The following CASD1 variants were observed in gnomAD, a reference collection of about 807,000 sequenced individuals.
The protein encoded by CASD1 is CAS1 domain sialic acid O acetyltransferase 1.
In CASD1, 41 loss-of-function variants were observed where a neutral mutation model predicts 100.0. The observed-to-expected ratio is 0.41, with a 90% CI of 0.32 to 0.53. CASD1 has a LOEUF of 0.53. Among genes scored for constraint, CASD1 ranks in the 20% least tolerant of loss-of-function variants. CASD1 has a pLI of 0.25. For synonymous variants in CASD1, 321 were observed against 315.6 expected, an observed-to-expected ratio of 1.02 and a Z score of -0.18; for missense variants, 774 against 948.7, an observed-to-expected ratio of 0.82 and a Z score of 2.42.
the CASD1 span, among the ~76,000 whole-genome samples, chr7:94,633,844 C>G: frequency 2.0e-5 from 3 of 152,172 alleles, no homozygotes; most frequent in Non-Finnish European, 4.4e-5. Flanking sequence ...TCACAATTCT[C>G]ACAATGATTA....
the CASD1 span, chr7:94,585,266 T>C: frequency 2.2e-6 from 1 of 460,420 alleles, no homozygotes; most frequent in Non-Finnish European, 3.9e-6. Context: ...TCAACTTTTA[T>C]TGTAACAAAT....
intron 10 of CASD1, among the ~76,000 whole-genome samples, chr7:94,541,545 T>G (rs1451824636): frequency 1.5e-5 from 2 of 135,616 alleles, no homozygotes; most frequent in African/African-American, 5.4e-5. Flanking sequence ...TGGTTTTTTT[T>G]TTTTTTTTTT....
intron 1 of CASD1, among the ~76,000 whole-genome samples, chr7:94,510,705 C>T (rs1175608385): frequency 6.6e-6 from 1 of 152,242 alleles, no homozygotes; most frequent in Non-Finnish European, 1.5e-5. Context: ...TTTAATTTTG[C>T]CTCTGCCCTG....
chr7:94,580,914 A>G, the CASD1 span, among the ~76,000 whole-genome samples: 1 of 152,180 alleles, frequency 6.6e-6, no homozygotes, highest in African/African-American at 2.4e-5. Flanking sequence ...CATCATTGTC[A>G]AGAGCCCTCT....
In CASD1 at chr7:94,544,324, T is replaced by C; in HGVS notation, c.1357-87T>C. 3 of 1,478,026 alleles carry C rather than the reference T, an allele frequency of 2.0e-6. No homozygotes were observed. The South Asian group carries it at 3.7e-5, about 18-fold the overall frequency. The allele number at this position is 1,478,026 out of a possible 1,614,324, so 91.6% of individuals were successfully genotyped here. A position where few individuals can be genotyped will look rare whatever the true frequency, so the allele number is the denominator to read the frequency against. Reference sequence around the variant, plus strand: ...CTGATGCCAAATGCTAATAATCATTTATTATCTTTGTTAAATGTACTTGTT... The same window carrying C: ...CTGATGCCAAATGCTAATAATCATTCATTATCTTTGTTAAATGTACTTGTT... On this transcript the variant is annotated intron_variant, in intron 10 of 17. Transcript: ENST00000297273.
At chr7:94,554,938 A>G (rs1419429572) in intron 17 of CASD1, among the ~76,000 whole-genome samples, 3 of 152,086 alleles carry the variant, frequency 2.0e-5, no homozygotes, top group African/African-American at 2.4e-5. Context: ...GTTCATCTCC[A>G]TAATTAAATA....
intron 5 of CASD1, among the ~76,000 whole-genome samples, chr7:94,529,297 A>G (rs558775098): frequency 6.6e-6 from 1 of 152,292 alleles, no homozygotes; most frequent in Non-Finnish European, 1.5e-5. Context: ...ATACACTACA[A>G]TTTGTAAATC....
chr7:94,522,745 C>T (rs1584385273), intron 3 of CASD1, among the ~76,000 whole-genome samples: 2 of 151,966 alleles, frequency 1.3e-5, no homozygotes, highest in East Asian at 1.9e-4. Flanking sequence ...GCAAGCTCTA[C>T]CTCCCGGGTT....
chr7:94,609,522 ACT>A, the CASD1 span, among the ~76,000 whole-genome samples: 1 of 152,180 alleles, frequency 6.6e-6, no homozygotes, highest in East Asian at 1.9e-4. Flanking sequence ...ACACAGTAAG[ACT>A]CTGTCTAAAA....
chr7:94,612,216 T>C, the CASD1 span, among the ~76,000 whole-genome samples: 2 of 152,140 alleles, frequency 1.3e-5, no homozygotes, highest in Non-Finnish European at 2.9e-5. Flanking sequence ...CCTCTCAAGG[T>C]AACATAAATG....
At position 94,550,751 on chromosome 7, in the gene CASD1, T is replaced by G. The variant is rs529295920; in HGVS notation, c.1816-587T>G. Reference sequence around the variant, plus strand: ...CTAATGACCAACCAAAGGCTTTACCTCCAAAACTGTCACACTGGGGATTAA... The same window carrying G: ...CTAATGACCAACCAAAGGCTTTACCGCCAAAACTGTCACACTGGGGATTAA... On this transcript the variant is annotated intron_variant, in intron 14 of 17. Coordinates refer to ENST00000297273, the MANE Select transcript of CASD1 (RefSeq NM_022900.5). Among the ~76,000 whole-genome samples, 9 of 152,084 alleles carry G rather than the reference T, an allele frequency of 5.9e-5. No individual in the cohort carries two copies. The East Asian group carries it at 1.7e-3, about 29-fold the overall frequency.
At chr7:94,598,377 A>G in the CASD1 span, 1 of 195,808 alleles carries the variant, frequency 5.1e-6, no homozygotes, top group Admixed American at 5.5e-5. Context: ...TTAGATTACA[A>G]AGGTCTATGG....
intron 10 of CASD1, among the ~76,000 whole-genome samples, chr7:94,540,374 A>G (rs988089682): frequency 5.3e-5 from 8 of 152,220 alleles, no homozygotes; most frequent in Non-Finnish European, 7.3e-5. Context: ...TTTAAGCAGC[A>G]TTAAGAAGAT....
At chr7:94,526,498 A>G (rs1315011157) in intron 3 of CASD1, among the ~76,000 whole-genome samples, 1 of 152,216 alleles carries the variant, frequency 6.6e-6, no homozygotes, top group Non-Finnish European at 1.5e-5. Context: ...GATGAATAGT[A>G]ATACAAGTGC....
the CASD1 span, chr7:94,623,876 A>G: frequency 5.6e-6 from 2 of 357,480 alleles, no homozygotes; most frequent in Non-Finnish European, 1.0e-5. Flanking sequence ...AAATGTCATA[A>G]ATAACCCTTT....
chr7:94,595,886 C>T, the CASD1 span, among the ~76,000 whole-genome samples: 1 of 152,028 alleles, frequency 6.6e-6, no homozygotes, highest in Non-Finnish European at 1.5e-5. Context: ...AATATACACT[C>T]AACACTGAAA....
chr7:94,529,966 G>A (rs1295344339), intron 5 of CASD1, among the ~76,000 whole-genome samples: 1 of 152,126 alleles, frequency 6.6e-6, no homozygotes, highest in African/African-American at 2.4e-5. Context: ...AGGACTCTAA[G>A]TAGATTGTTA....
Position 94,537,664 on chromosome 7 carries a change from G to A in CASD1, c.1036G>A (p.Asp346Asn). The change falls in exon 9 of 18, where the codon GAT (aspartate) becomes AAT (asparagine). Residue 346 changes from aspartate to asparagine, a missense_variant. By Grantham distance (23) the Asp-to-Asn change is conservative. This residue lies in a region of CASD1 where 453 missense variants were observed against 532.6 expected (regional missense o/e 0.85). Coordinates refer to ENST00000297273, the MANE Select transcript of CASD1 (RefSeq NM_022900.5). ...TCATCGGAAGAATAAGCCGTGTACT[G>A]ATTTGGAAAGTGGAGAGGAAAAGAA... ...NAHRKNKPCT[D>N]LESGEEKKNI... The A allele has an allele frequency of 6.2e-7, 1 of 1,613,672 alleles. No homozygotes were observed. Among genetic ancestry groups the A allele is most frequent in the Non-Finnish European group, 8.5e-7 (1 of 1,179,768 alleles).
the CASD1 span, chr7:94,622,158 G>A: frequency 6.6e-6 from 1 of 152,304 alleles, no homozygotes; most frequent in Admixed American, 6.5e-5. Flanking sequence ...CTGATAAAAT[G>A]TTTGGTGTTT....
Sources: gnomAD v4.1 joint callset for allele counts (sites outside exome capture counted in the v4.1 genomes callset) on GRCh38, gnomAD v4.1.1 for gene constraint, gnomAD v4.1.1 regional missense constraint, MANE v1.5 for transcripts, NCBI Gene and HGNC (gene_info 2026-07-23, HGNC 2026-07-21) for gene names.